NRXN3: variants seen among roughly 807,000 people sequenced by gnomAD.
NRXN3 encodes neurexin III.
Under a neutral mutation model 137.6 loss-of-function variants are expected in NRXN3, and 32 were observed. That is an observed-to-expected ratio of 0.23 (90% CI 0.18 to 0.31). NRXN3 has a LOEUF of 0.31. Among genes scored for constraint, NRXN3 ranks in the 10% least tolerant of loss-of-function variants. NRXN3 has a pLI of 1.00. For synonymous variants in NRXN3, 798 were observed against 784.5 expected (o/e 1.02, Z -0.29); for missense variants, 1,574 against 2,062.5 (o/e 0.76, Z 4.59).
chr14:79,205,246 G>A (rs2066625024), intron 15 of NRXN3, among the ~76,000 whole-genome samples: 1 of 152,142 alleles, frequency 6.6e-6, no homozygotes, highest in Non-Finnish European at 1.5e-5. Context: ...TTTTATGGTG[G>A]CTCTGCTTTT....
At position 79,529,464 on chromosome 14, in the gene NRXN3, G is replaced by A. The variant is rs192184691; in HGVS notation, c.3444+62062G>A. Among the ~76,000 whole-genome samples, 169 of 152,270 alleles carry A rather than the reference G, an allele frequency of 1.1e-3. 1 individual carries two copies. The highest frequency in any genetic ancestry group is 3.4e-3 in the Middle Eastern group (1 of 294). ...TCCTTGTTGTTTTTTCTTAAAACAG[G>A]TACTGAGTATAAAACAATATAAAAC... On this transcript the variant is annotated intron_variant, in intron 16 of 20. Coordinates refer to ENST00000335750, the MANE Select transcript of NRXN3 (RefSeq NM_001330195.2).
At chr14:79,243,760 A>T (rs2074695850) in intron 15 of NRXN3, among the ~76,000 whole-genome samples, 1 of 152,252 alleles carries the variant, frequency 6.6e-6, no homozygotes, top group East Asian at 1.9e-4. Context: ...ATATCTAAAC[A>T]TAGAAAAGGG....
intron 16 of NRXN3, among the ~76,000 whole-genome samples, chr14:79,535,511 T>G (rs1328482711): frequency 6.6e-6 from 1 of 152,194 alleles, no homozygotes; most frequent in Admixed American, 6.5e-5. Flanking sequence ...GTTTATTTTT[T>G]TTCTCTCCTC....
intron 20 of NRXN3, among the ~76,000 whole-genome samples, chr14:79,857,291 G>A (rs982719689): frequency 3.3e-5 from 5 of 152,112 alleles, no homozygotes; most frequent in East Asian, 1.9e-4. Context: ...GCGTGATCTC[G>A]GCTCACTGCA....
At chr14:79,526,307 A>G (rs557873074) in intron 16 of NRXN3, among the ~76,000 whole-genome samples, 2 of 152,270 alleles carry the variant, frequency 1.3e-5, no homozygotes, top group Non-Finnish European at 2.9e-5. Flanking sequence ...TTGGCCTCCC[A>G]AAGTGCTGCG....
At chr14:79,843,573 C>T (rs1227805600) in intron 20 of NRXN3, among the ~76,000 whole-genome samples, 2 of 152,084 alleles carry the variant, frequency 1.3e-5, no homozygotes, top group African/African-American at 4.8e-5. Flanking sequence ...CAGAGTACAA[C>T]CTCTTTCAAA....
chr14:78,585,572 A>G (rs909277330), intron 4 of NRXN3, among the ~76,000 whole-genome samples: 1 of 152,188 alleles, frequency 6.6e-6, no homozygotes, highest in Non-Finnish European at 1.5e-5. Context: ...TGGCTTGGCC[A>G]TGAAGTTAGT....
Position 79,273,912 on chromosome 14 carries a change from T to C in NRXN3, c.3263-193309T>C, listed in dbSNP as rs150593312. On this transcript the variant is annotated intron_variant, in intron 15 of 20. Transcript: ENST00000335750. ...GAGTTCGAGACCAGCCTGGCCAACA[T>C]GGTGAAACCCTGTCTCTACTAAATA... Among the ~76,000 whole-genome samples the C allele has an allele frequency of 9.8e-4, 149 of 151,734 alleles. 1 individual carries two copies. The East Asian group carries it at 0.028, about 29-fold the overall frequency.
chr14:78,720,299 G>C (rs1268066041), intron 8 of NRXN3, among the ~76,000 whole-genome samples: 1 of 152,130 alleles, frequency 6.6e-6, no homozygotes, highest in East Asian at 1.9e-4. Flanking sequence ...ATATCTGATA[G>C]ATTAACTTAA....
chr14:79,288,997 G>T (rs2082726640), intron 15 of NRXN3, among the ~76,000 whole-genome samples: 1 of 152,058 alleles, frequency 6.6e-6, no homozygotes, highest in Admixed American at 6.6e-5. Flanking sequence ...GTTTATAAAA[G>T]AAGCAAAGGC....
intron 4 of NRXN3, among the ~76,000 whole-genome samples, chr14:78,546,079 A>G (rs891239559): frequency 3.9e-5 from 6 of 152,214 alleles, no homozygotes; most frequent in African/African-American, 1.2e-4. Context: ...TATCTGGTGC[A>G]GTCCAGGAAT....
intron 15 of NRXN3, among the ~76,000 whole-genome samples, chr14:79,044,243 C>A (rs1261204372): frequency 6.6e-6 from 1 of 151,830 alleles, no homozygotes; most frequent in East Asian, 1.9e-4. Flanking sequence ...CTTTTAGTGA[C>A]CGATTGTCCC....
chr14:79,758,606 C>T (rs2099028046), intron 19 of NRXN3, among the ~76,000 whole-genome samples: 1 of 152,124 alleles, frequency 6.6e-6, no homozygotes, highest in Admixed American at 6.6e-5. Flanking sequence ...GGACAAATAT[C>T]CAAACTATTA....
chr14:79,131,843 A>G (rs898604166), intron 15 of NRXN3, among the ~76,000 whole-genome samples: 1 of 152,228 alleles, frequency 6.6e-6, no homozygotes, highest in African/African-American at 2.4e-5. Context: ...CCGTGGGCGT[A>G]GGACCCTCTG....
chr14:79,629,826 CGTGTGTGT>C (rs543719888), intron 16 of NRXN3, among the ~76,000 whole-genome samples: 2 of 71,172 alleles, frequency 2.8e-5, no homozygotes, highest in Admixed American at 2.2e-4. Context: ...TGTGTGTGTG[CGTGTGTGT>C]GTGTGTGTGC....
At chr14:78,699,586 G>A (rs569990885) in intron 6 of NRXN3, among the ~76,000 whole-genome samples, 53 of 152,222 alleles carry the variant, frequency 3.5e-4, no homozygotes, top group African/African-American at 1.2e-3. Flanking sequence ...TTTAAATTTC[G>A]TCATCTTTTT....
At chr14:78,990,456 C>T (rs935609082) in intron 15 of NRXN3, among the ~76,000 whole-genome samples, 22 of 147,644 alleles carry the variant, frequency 1.5e-4, no homozygotes, top group African/African-American at 4.8e-4. Flanking sequence ...ACTGCAACCT[C>T]CACCTCCCAG....
chr14:78,678,110 C>T (rs1287903181), intron 6 of NRXN3, among the ~76,000 whole-genome samples: 1 of 152,070 alleles, frequency 6.6e-6, no homozygotes, highest in Non-Finnish European at 1.5e-5. Flanking sequence ...ACTGAACCCA[C>T]AATATTAATA....
chr14:78,283,315 C>G, intron 3 of NRXN3: 1 of 152,114 alleles, frequency 6.6e-6, no homozygotes, highest in Non-Finnish European at 1.5e-5. Context: ...AGGGTCAAAT[C>G]CAGCTTGCAG....
Sources: gnomAD v4.1 joint callset for allele counts (sites outside exome capture counted in the v4.1 genomes callset) on GRCh38, gnomAD v4.1.1 for gene constraint, MANE v1.5 for transcripts, NCBI Gene and HGNC (gene_info 2026-07-23, HGNC 2026-07-21) for gene names.